RPRD1A: variants seen among roughly 807,000 people sequenced by gnomAD.
The protein encoded by RPRD1A is regulation of nuclear pre-mRNA domain-containing protein 1A.
A neutral mutation model predicts 37.8 loss-of-function variants in RPRD1A; 9 were observed. That is an observed-to-expected ratio of 0.24 (90% CI 0.14 to 0.42). RPRD1A has a LOEUF of 0.42. Ranked by LOEUF, RPRD1A falls within the 10% of genes least tolerant of loss-of-function variation. The probability of loss-of-function intolerance (pLI) is 1.00; values close to 1 mark genes in which losing one functional copy is unlikely to be tolerated. For synonymous variants in RPRD1A, 138 were observed against 139.7 expected, an observed-to-expected ratio of 0.99 and a Z score of 0.08; for missense variants, 255 against 371.0, an observed-to-expected ratio of 0.69 and a Z score of 2.57.
chr18:36,017,552 T>C (rs1198043049), intron 6 of RPRD1A, among the ~76,000 whole-genome samples: 1 of 152,200 alleles, frequency 6.6e-6, no homozygotes, highest in African/African-American at 2.4e-5. Context: ...AAACTACTTT[T>C]CAATCTCATC....
intron 1 of RPRD1A, among the ~76,000 whole-genome samples, chr18:36,035,920 C>T (rs977807072): frequency 5.3e-5 from 8 of 151,968 alleles, no homozygotes; most frequent in Non-Finnish European, 8.8e-5. Flanking sequence ...GGATAGTTGC[C>T]AAAGGCTGTG....
chr18:35,990,405 C>T lies in RPRD1A; in HGVS notation c.*2746G>A, dbSNP rs181772414. 1 of 152,256 alleles carries T rather than the reference C, an allele frequency of 6.6e-6. No individual in the cohort carries two copies. The highest frequency in any genetic ancestry group is 6.5e-5 in the Admixed American group (1 of 15,290). The allele number at this position is 152,256 out of a possible 1,614,324, so 9.4% of individuals were successfully genotyped here. A position where few individuals can be genotyped will look rare whatever the true frequency, so the allele number is the denominator to read the frequency against. ...TTCTGAAAGATTTCTTATAGAAAAA[C>T]CCTGATTCAGAGTGCATGTGATAGG... On this transcript the variant is annotated 3_prime_UTR_variant, in exon 7 of 7. Transcript: ENST00000399022.
At chr18:36,033,351 T>G (rs1911950466) in intron 2 of RPRD1A, among the ~76,000 whole-genome samples, 1 of 147,444 alleles carries the variant, frequency 6.8e-6, no homozygotes, top group Non-Finnish European at 1.5e-5. Context: ...TAAGTGTATA[T>G]GGAAATATTT....
intron 1 of RPRD1A, among the ~76,000 whole-genome samples, chr18:36,046,785 C>T (rs1021028802): frequency 3.3e-5 from 5 of 150,594 alleles, no homozygotes; most frequent in South Asian, 2.1e-4. Flanking sequence ...CAGTGAGCCA[C>T]GATGGTGCCA....
intron 6 of RPRD1A, among the ~76,000 whole-genome samples, chr18:35,998,774 A>G (rs1213842609): frequency 6.6e-6 from 1 of 152,206 alleles, no homozygotes; most frequent in African/African-American, 2.4e-5. Context: ...CTCCTAGCTG[A>G]AACTATCTCT....
intron 1 of RPRD1A, among the ~76,000 whole-genome samples, chr18:36,041,837 G>A (rs1912605765): frequency 6.6e-6 from 1 of 152,230 alleles, no homozygotes; most frequent in South Asian, 2.1e-4. Flanking sequence ...ACAGGACAAA[G>A]AGTTCAGTCA....
At chr18:36,059,092 T>TCA (rs1913993440) in intron 1 of RPRD1A, among the ~76,000 whole-genome samples, 1 of 152,166 alleles carries the variant, frequency 6.6e-6, no homozygotes, top group African/African-American at 2.4e-5. Context: ...TATACATCTA[T>TCA]CAAAACATCA....
At chr18:36,036,785 T>C (rs921912319) in intron 1 of RPRD1A, among the ~76,000 whole-genome samples, 11 of 152,182 alleles carry the variant, frequency 7.2e-5, no homozygotes, top group Admixed American at 3.9e-4. Context: ...GAGCCATAAA[T>C]TGTTATTAAA....
At chr18:36,018,105 T>C (rs1910721438) in intron 6 of RPRD1A, among the ~76,000 whole-genome samples, 1 of 152,186 alleles carries the variant, frequency 6.6e-6, no homozygotes, top group African/African-American at 2.4e-5. Flanking sequence ...CTTAAGACTT[T>C]TTAAGTACTG....
chr18:36,027,157 G>C (rs374101743), intron 5 of RPRD1A, 27 bp downstream of exon 5: 7 of 1,613,206 alleles, frequency 4.3e-6, no homozygotes, highest in Non-Finnish European at 5.9e-6. Context: ...TCCCAAAAAA[G>C]TTCTGGATCA....
chr18:36,035,602 TA>T (rs981966805), intron 1 of RPRD1A, among the ~76,000 whole-genome samples: 9 of 152,112 alleles, frequency 5.9e-5, no homozygotes, highest in African/African-American at 2.2e-4. Context: ...AAGAAAAAGA[TA>T]AAACAATGCA....
chr18:36,001,289 G>A (rs1909401564), intron 6 of RPRD1A, among the ~76,000 whole-genome samples: 2 of 152,158 alleles, frequency 1.3e-5, no homozygotes, highest in South Asian at 2.1e-4. Flanking sequence ...GAGCTGATAA[G>A]CAGCATTTAA....
chr18:36,007,410 G>T (rs1909811827), intron 6 of RPRD1A, among the ~76,000 whole-genome samples: 1 of 152,156 alleles, frequency 6.6e-6, no homozygotes, highest in African/African-American at 2.4e-5. Flanking sequence ...GTGGCTCACG[G>T]TATGTTCAAT....
intron 6 of RPRD1A, among the ~76,000 whole-genome samples, chr18:36,003,633 C>T (rs1440406056): frequency 6.6e-6 from 1 of 152,116 alleles, no homozygotes; most frequent in Admixed American, 6.5e-5. Context: ...TAAGTAAATT[C>T]GTGTGCATAT....
Position 36,010,087 on chromosome 18 carries a change from G to A in RPRD1A, c.790-16787C>T, listed in dbSNP as rs181659480. ...CTATATAATATGGTATGATATGTTA[G>A]TTATTTAATATAAGGACAGAATATA... On this transcript the variant is annotated intron_variant, in intron 6 of 6. Transcript: ENST00000399022. Among the ~76,000 whole-genome samples the A allele has an allele frequency of 2.7e-5, 4 of 146,510 alleles. No homozygotes were observed. In the East Asian group the frequency reaches 5.8e-4, roughly 21 times the overall value.
chr18:35,997,933 A>T (rs1909182366), intron 6 of RPRD1A, among the ~76,000 whole-genome samples: 2 of 152,118 alleles, frequency 1.3e-5, no homozygotes, highest in African/African-American at 2.4e-5. Context: ...GTTCTTTACC[A>T]TGACTCCCTT....
chr18:36,066,596 T>C (rs1273782661), intron 1 of RPRD1A, among the ~76,000 whole-genome samples: 1 of 152,228 alleles, frequency 6.6e-6, no homozygotes, highest in Non-Finnish European at 1.5e-5. Flanking sequence ...ACAGGAACAC[T>C]ATCAAATGTT....
intron 1 of RPRD1A, among the ~76,000 whole-genome samples, chr18:36,044,587 C>T (rs1912820035): frequency 6.6e-6 from 1 of 152,054 alleles, no homozygotes; most frequent in African/African-American, 2.4e-5. Flanking sequence ...ACTCAGGAGG[C>T]TGAGGCACAA....
At chr18:36,052,574 T>C (rs1017200065) in intron 1 of RPRD1A, among the ~76,000 whole-genome samples, 1 of 152,184 alleles carries the variant, frequency 6.6e-6, no homozygotes, top group Non-Finnish European at 1.5e-5. Flanking sequence ...TTGTATGCTA[T>C]TGAAGATAAG....
Sources: gnomAD v4.1 joint callset for allele counts (sites outside exome capture counted in the v4.1 genomes callset) on GRCh38, gnomAD v4.1.1 for gene constraint, MANE v1.5 for transcripts, NCBI Gene and HGNC (gene_info 2026-07-23, HGNC 2026-07-21) for gene names.